The following EYS variants were observed in gnomAD, a reference collection of about 807,000 sequenced individuals.
EYS encodes the protein protein eyes shut homolog.
EYS carries 250 observed loss-of-function variants against 282.1 expected under a neutral mutation model. The ratio of observed to expected loss-of-function variants is 0.89; its 90% confidence interval spans 0.80 to 0.98. The LOEUF is 0.98. Ranked by LOEUF, EYS falls within the 50% of genes least tolerant of loss-of-function variation. The probability of loss-of-function intolerance (pLI) is 0.00; values close to 1 mark genes in which losing one functional copy is unlikely to be tolerated. For missense variants in EYS, 4,016 were observed against 3,709.0 expected, an observed-to-expected ratio of 1.08 and a Z score of -2.15; for synonymous variants, 1,355 against 1,282.9, an observed-to-expected ratio of 1.06 and a Z score of -1.20.
chr6:65,421,632 A>G (rs183393543), intron 5 of EYS, among the ~76,000 whole-genome samples: 25 of 152,038 alleles, frequency 1.6e-4, no homozygotes, highest in Admixed American at 1.3e-3. Context: ...AGCTTTCCAC[A>G]TGATTTCCTC....
chr6:63,858,035 A>T (rs1216328360), intron 36 of EYS, among the ~76,000 whole-genome samples: 2 of 152,146 alleles, frequency 1.3e-5, no homozygotes, highest in African/African-American at 4.8e-5. Flanking sequence ...CATTCTGGAA[A>T]GAGGGGACCA....
chr6:65,566,670 A>G (rs1769291645), intron 2 of EYS, among the ~76,000 whole-genome samples: 2 of 152,140 alleles, frequency 1.3e-5, no homozygotes, highest in South Asian at 4.1e-4. Flanking sequence ...ATATTTAATC[A>G]TGGTGTCATC....
intron 26 of EYS, among the ~76,000 whole-genome samples, chr6:64,486,056 T>C (rs1027821219): frequency 6.6e-6 from 1 of 151,518 alleles, no homozygotes; most frequent in Non-Finnish European, 1.5e-5. Context: ...TAACCTTTTA[T>C]TGTAATCAAA....
chr6:63,848,843 T>C lies in EYS; in HGVS notation c.7228+15343A>G, dbSNP rs143570668. On this transcript the variant is annotated intron_variant, in intron 36 of 42. Coordinates refer to ENST00000503581, the MANE Select transcript of EYS (RefSeq NM_001142800.2). ...ACCCCAGCGAGACAGAACTGTTCAC[T>C]CCTCTGGAAAGGGGGCTGAAGCCAG... 1.7e-3 allele frequency among the ~76,000 whole-genome samples: 256 copies of C among 152,196 alleles called. 1 individual carries two copies. Among genetic ancestry groups the C allele is most frequent in the African/African-American group, 6.0e-3 (248 of 41,552 alleles).
At chr6:65,572,820 A>G (rs921450735) in intron 2 of EYS, among the ~76,000 whole-genome samples, 13 of 152,158 alleles carry the variant, frequency 8.5e-5, no homozygotes, top group Non-Finnish European at 1.6e-4. Context: ...TATGTTTTAT[A>G]CAGGAACATC....
intron 7 of EYS, among the ~76,000 whole-genome samples, chr6:65,392,884 G>T (rs2150357620): frequency 6.6e-6 from 1 of 152,138 alleles, no homozygotes; most frequent in Non-Finnish European, 1.5e-5. Context: ...TATGTTTATT[G>T]CGGCATTATT....
chr6:64,449,151 A>C (rs563800356), intron 26 of EYS, among the ~76,000 whole-genome samples: 139 of 152,320 alleles, frequency 9.1e-4, no homozygotes, highest in Middle Eastern at 3.4e-3. Context: ...CAATGCAGAG[A>C]AGTCTTTAAA....
intron 30 of EYS, among the ~76,000 whole-genome samples, chr6:64,302,888 G>C (rs1769284549): frequency 2.0e-5 from 3 of 152,082 alleles, no homozygotes; most frequent in African/African-American, 7.2e-5. Context: ...ACATGAAAAA[G>C]AGGATATGCT....
Position 65,344,094 on chromosome 6 carries a change from T to C in EYS, c.1543A>G (p.Asn515Asp). The change falls in exon 10 of 43, where the codon AAC (asparagine) becomes GAC (aspartate). Residue 515 changes from asparagine to aspartate, a missense_variant. Coordinates refer to ENST00000503581, the MANE Select transcript of EYS (RefSeq NM_001142800.2). The part of the protein sequence containing the change: ...ANCTEDATYV[N>D]DPEDNNSSCW... ...GAAGAATTATTATCTTCAGGATCGT[T>C]CACATAGGTTGCATCTTCAGTGCAG... 1 of 1,610,912 alleles carries C rather than the reference T, an allele frequency of 6.2e-7. No homozygotes were observed. Among genetic ancestry groups the C allele is most frequent in the Non-Finnish European group, 8.5e-7 (1 of 1,178,030 alleles).
At chr6:65,422,896 A>C (rs1767520366) in intron 5 of EYS, among the ~76,000 whole-genome samples, 1 of 151,786 alleles carries the variant, frequency 6.6e-6, no homozygotes, top group South Asian at 2.1e-4. Flanking sequence ...AAGTGCAAGA[A>C]AGCTTATGGT....
At chr6:63,856,354 A>G (rs937196246) in intron 36 of EYS, among the ~76,000 whole-genome samples, 5 of 151,782 alleles carry the variant, frequency 3.3e-5, no homozygotes, top group African/African-American at 1.2e-4. Context: ...AGACCTTTTT[A>G]AAAAGCAGGA....
intron 31 of EYS, among the ~76,000 whole-genome samples, chr6:64,178,481 T>A (rs1030127329): frequency 6.6e-6 from 1 of 152,058 alleles, no homozygotes; most frequent in Non-Finnish European, 1.5e-5. Flanking sequence ...GCAAATCACA[T>A]CAATGAGTTT....
At chr6:64,577,906 TAAGATGCTTCTCTCTGCTTCACAA>T (rs1180240049) in intron 26 of EYS, among the ~76,000 whole-genome samples, 1 of 152,158 alleles carries the variant, frequency 6.6e-6, no homozygotes, top group African/African-American at 2.4e-5. Flanking sequence ...GAGGGTGGCT[TAAGATGCTTCTCTCTGCTTCACAA>T]AATTGATTAT....
At chr6:63,896,778 T>C (rs1480766195) in intron 35 of EYS, among the ~76,000 whole-genome samples, 2 of 152,212 alleles carry the variant, frequency 1.3e-5, no homozygotes, top group African/African-American at 4.8e-5. Context: ...TTTGCCTTCT[T>C]CCAAAAGTCA....
chr6:65,061,698 T>C (rs1773579337), intron 12 of EYS, among the ~76,000 whole-genome samples: 1 of 151,872 alleles, frequency 6.6e-6, no homozygotes, highest in Non-Finnish European at 1.5e-5. Flanking sequence ...CTTTTAATTG[T>C]TTAACTGAAT....
chr6:64,705,841 G>C (rs1308720238), intron 22 of EYS, among the ~76,000 whole-genome samples: 1 of 111,176 alleles, frequency 9.0e-6, no homozygotes, highest in Non-Finnish European at 1.9e-5. Context: ...GTGGGAGGGA[G>C]GGGGGAGGGG....
intron 12 of EYS, among the ~76,000 whole-genome samples, chr6:65,178,583 G>A (rs948671972): frequency 6.6e-6 from 1 of 151,986 alleles, no homozygotes. Flanking sequence ...GACCTACAAA[G>A]AGACTTAGAC....
intron 1 of EYS, among the ~76,000 whole-genome samples, chr6:65,706,480 G>A (rs1168451053): frequency 6.6e-6 from 1 of 151,616 alleles, no homozygotes; most frequent in Non-Finnish European, 1.5e-5. Flanking sequence ...AAGAGTGTTG[G>A]ACCTGTGAAA....
intron 11 of EYS, among the ~76,000 whole-genome samples, chr6:65,307,909 C>T (rs1187491750): frequency 6.7e-6 from 1 of 148,242 alleles, no homozygotes. Context: ...CTCTCTCCCC[C>T]ACTCTCCCAC....
Sources: gnomAD v4.1 joint callset for allele counts (sites outside exome capture counted in the v4.1 genomes callset) on GRCh38, gnomAD v4.1.1 for gene constraint, MANE v1.5 for transcripts, NCBI Gene and HGNC (gene_info 2026-07-23, HGNC 2026-07-21) for gene names.